The following C14orf39 variants were observed in gnomAD, a reference collection of about 807,000 sequenced individuals.
C14orf39 encodes chromosome 14 open reading frame 39, also known as protein SIX6OS1.
Under a neutral mutation model 85.6 loss-of-function variants are expected in C14orf39, and 66 were observed. That is an observed-to-expected ratio of 0.77 (90% CI 0.63 to 0.95). The LOEUF (loss-of-function observed/expected upper bound fraction) is 0.95. Ranked by LOEUF, C14orf39 falls within the 40% of genes least tolerant of loss-of-function variation. The pLI is 0.00. For missense variants in C14orf39, 735 were observed against 663.9 expected (o/e 1.11, Z -1.18); for synonymous variants, 242 against 214.0 (o/e 1.13, Z -1.14).
Position 60,467,009 on chromosome 14 carries a change from T to C in C14orf39, c.803A>G (p.Asn268Ser). Residue 268 changes from asparagine to serine, a missense_variant, in exon 10 of 18, where the codon AAT becomes AGT. Coordinates refer to ENST00000321731, the MANE Select transcript of C14orf39 (RefSeq NM_174978.3). ...FGKDEHVLTL[N>S]KTQSSQLFLP... ...AAATAATTGACTGCTTTGAGTTTTA[T>C]TCAATGTAAGTACATGCTCATCTTT... The C allele has an allele frequency of 1.4e-6, 2 of 1,447,894 alleles. No individual in the cohort carries two copies. The highest frequency in any genetic ancestry group is 3.1e-5 in the South Asian group (2 of 65,346). 89.7% of individuals were successfully genotyped at this position (1,447,894 alleles called of 1,614,324 possible).
intron 1 of C14orf39, among the ~76,000 whole-genome samples, chr14:60,514,782 G>C (rs1271614040): frequency 6.6e-6 from 1 of 152,216 alleles, no homozygotes; most frequent in Non-Finnish European, 1.5e-5. Context: ...TGAATGGGGC[G>C]GGAGGAGAGG....
chr14:60,442,134 G>A lies in C14orf39; in HGVS notation c.1504-3C>T. ...CTTGCAGAATAATGTTCATTAAACT[G>A]GAAAATAATTTCCATTAAATATTAC... On this transcript the variant is annotated splice_polypyrimidine_tract_variant and splice_region_variant and intron_variant, in intron 16 of 17. Transcript: ENST00000321731. 1 of 1,580,086 alleles carries A rather than the reference G, an allele frequency of 6.3e-7. No homozygotes were observed. Among genetic ancestry groups the A allele is most frequent in the South Asian group, 1.1e-5 (1 of 89,968 alleles).
chr14:60,456,381 A>T (rs1441522998), intron 15 of C14orf39, among the ~76,000 whole-genome samples: 1 of 151,788 alleles, frequency 6.6e-6, no homozygotes, highest in African/African-American at 2.4e-5. Flanking sequence ...TTAATTGATG[A>T]TAAGTCTACA....
intron 4 of C14orf39, among the ~76,000 whole-genome samples, chr14:60,482,368 T>G (rs1206262420): frequency 1.3e-5 from 2 of 152,178 alleles, no homozygotes; most frequent in Non-Finnish European, 2.9e-5. Context: ...ATTTAAACAC[T>G]GACAATTCCA....
At chr14:60,501,336 G>T (rs1746866035) in intron 1 of C14orf39, among the ~76,000 whole-genome samples, 1 of 144,430 alleles carries the variant, frequency 6.9e-6, no homozygotes, top group African/African-American at 2.5e-5. Flanking sequence ...GCAATCACAT[G>T]CATCCTTCTA....
chr14:60,473,963 G>A (rs1167090598), intron 5 of C14orf39, among the ~76,000 whole-genome samples: 2 of 152,076 alleles, frequency 1.3e-5, no homozygotes, highest in African/African-American at 4.8e-5. Context: ...AGCTTGATGG[G>A]GATGGCATTG....
At position 60,458,662 on chromosome 14, in the gene C14orf39, C is replaced by T; in HGVS notation, c.1179+16G>A. ...GAATTTTTGCTTAGAAATTAGAGAT[C>T]AAACATTTGACTTACTTGTGAAGTA... On this transcript the variant is annotated intron_variant, in intron 14 of 17. Coordinates refer to ENST00000321731, the MANE Select transcript of C14orf39 (RefSeq NM_174978.3). 6.4e-7 allele frequency: 1 copy of T among 1,572,382 alleles called. No homozygotes were observed. The highest frequency in any genetic ancestry group is 8.7e-7 in the Non-Finnish European group (1 of 1,152,468).
At chr14:60,473,353 T>C (rs532048814) in intron 5 of C14orf39, among the ~76,000 whole-genome samples, 1 of 152,200 alleles carries the variant, frequency 6.6e-6, no homozygotes, top group African/African-American at 2.4e-5. Flanking sequence ...ATTCTGTAGG[T>C]TGCCTGTTCA....
At chr14:60,495,143 G>GTC (rs1006337697) in intron 2 of C14orf39, 2 of 215,986 alleles carry the variant, frequency 9.3e-6, no homozygotes, top group African/African-American at 4.6e-5. Context: ...CATTGGAACA[G>GTC]TCTCTCCCGA....
chr14:60,496,068 A>C (rs1211434635), intron 2 of C14orf39: 2 of 784,576 alleles, frequency 2.5e-6, no homozygotes, highest in African/African-American at 3.5e-5. Flanking sequence ...CAAGGCATCC[A>C]GAGACAGACC....
chr14:60,453,675 A>T (rs1422910085), intron 16 of C14orf39, among the ~76,000 whole-genome samples: 1 of 151,572 alleles, frequency 6.6e-6, no homozygotes, highest in Non-Finnish European at 1.5e-5. Context: ...GTTTTAATTT[A>T]TCATCAATCT....
chr14:60,471,105 TAATAAGC>T (rs1187930411), intron 7 of C14orf39, among the ~76,000 whole-genome samples: 1 of 151,908 alleles, frequency 6.6e-6, no homozygotes, highest in African/African-American at 2.4e-5. Flanking sequence ...TTCTAACAAG[TAATAAGC>T]AATTTAACTG....
Position 60,481,979 on chromosome 14 carries a change from A to G in C14orf39, c.233+1712T>C, listed in dbSNP as rs149378434. On this transcript the variant is annotated intron_variant, in intron 4 of 17. Transcript: ENST00000321731. ...TCCTATGTGGTTTCTGATTTTGGTG[A>G]CATATTTAGAAAGACCTTCCTCTCT... is the stretch of plus-strand genomic sequence containing the variant. Among the ~76,000 whole-genome samples the G allele has an allele frequency of 5.6e-3, 845 of 152,226 alleles. 2 individuals carry two copies. The highest frequency in any genetic ancestry group is 0.018 in the African/African-American group (757 of 41,542).
chr14:60,490,317 A>G (rs1378929509), upstream of C14orf39, among the ~76,000 whole-genome samples: 2 of 152,184 alleles, frequency 1.3e-5, no homozygotes, highest in Admixed American at 1.3e-4. Flanking sequence ...TTTGAAGAAT[A>G]CTGGGACCAG....
chr14:60,465,781 T>C (rs1891754047), intron 11 of C14orf39, among the ~76,000 whole-genome samples, 198 bp downstream of exon 11: 1 of 148,574 alleles, frequency 6.7e-6, no homozygotes. Context: ...ATAATCAGAA[T>C]GCCATATTGA....
At position 60,484,646 on chromosome 14, in the gene C14orf39, C is replaced by T. The variant is rs1224723969; in HGVS notation, c.106+235G>A. On this transcript the variant is annotated intron_variant, in intron 3 of 17. Transcript: ENST00000321731. The surrounding 1 kb of genome is among the most constrained non-coding windows in gnomAD (Gnocchi z 4.2). ...CACTGCACCTAAGGGGTCATTTCTACTTAAGACAAAATTCTTCATAAAATA... is the reference window on the plus strand; with the variant it reads ...CACTGCACCTAAGGGGTCATTTCTATTTAAGACAAAATTCTTCATAAAATA... 6.6e-6 allele frequency among the ~76,000 whole-genome samples: 1 copy of T among 152,098 alleles called. No homozygotes were observed. Among genetic ancestry groups the T allele is most frequent in the Non-Finnish European group, 1.5e-5 (1 of 68,022 alleles).
At chr14:60,487,268 T>A (rs1892912103), upstream of C14orf39, among the ~76,000 whole-genome samples, 1 of 152,180 alleles carries the variant, frequency 6.6e-6, no homozygotes, top group Admixed American at 6.5e-5. Flanking sequence ...CCAACATATT[T>A]CCTCATTCCC....
intron 1 of C14orf39, among the ~76,000 whole-genome samples, chr14:60,485,503 C>G (rs1022758171): frequency 5.9e-5 from 9 of 152,246 alleles, no homozygotes; most frequent in Non-Finnish European, 1.3e-4. Flanking sequence ...TAACGAAAGC[C>G]CTTCCCCAAC....
chr14:60,448,804 T>C (rs1890900754), intron 16 of C14orf39, among the ~76,000 whole-genome samples: 1 of 152,122 alleles, frequency 6.6e-6, no homozygotes, highest in African/African-American at 2.4e-5. Flanking sequence ...ACATCAATGA[T>C]AGAATGGATT....
Sources: gnomAD v4.1 joint callset for allele counts (sites outside exome capture counted in the v4.1 genomes callset) on GRCh38, gnomAD v4.1.1 for gene constraint, Gnocchi (gnomAD v3.1) non-coding constraint, MANE v1.5 for transcripts, NCBI Gene and HGNC (gene_info 2026-07-23, HGNC 2026-07-21) for gene names.